VPS41: variants seen among roughly 807,000 people sequenced by gnomAD.
VPS41 encodes the protein vacuolar protein sorting-associated protein 41 homolog.
A neutral mutation model predicts 130.9 loss-of-function variants in VPS41; 85 were observed. The observed-to-expected ratio is 0.65, with a 90% CI of 0.55 to 0.78. VPS41 has a LOEUF of 0.78. VPS41 is among the 30% of genes least tolerant of loss of function. The pLI is 0.00. For missense variants in VPS41, 874 were observed against 1,018.7 expected, an observed-to-expected ratio of 0.86 and a Z score of 1.93; for synonymous variants, 335 against 332.9, an observed-to-expected ratio of 1.01 and a Z score of -0.07.
intron 2 of VPS41, among the ~76,000 whole-genome samples, chr7:38,891,529 A>G (rs1786866102): frequency 6.6e-6 from 1 of 152,196 alleles, no homozygotes; most frequent in Non-Finnish European, 1.5e-5. Context: ...TGATGTTTAC[A>G]CTTTTACACA....
At chr7:38,871,950 A>G (rs1265094441) in intron 2 of VPS41, among the ~76,000 whole-genome samples, 2 of 152,076 alleles carry the variant, frequency 1.3e-5, no homozygotes, top group East Asian at 1.9e-4. Flanking sequence ...CATGTGCCAC[A>G]CTCCTGGCCA....
chr7:38,794,359 T>C (rs1455674079), intron 9 of VPS41, among the ~76,000 whole-genome samples: 1 of 152,130 alleles, frequency 6.6e-6, no homozygotes, highest in Admixed American at 6.5e-5. Context: ...GATAACAACA[T>C]GAGGGCTGGG....
intron 10 of VPS41, among the ~76,000 whole-genome samples, chr7:38,776,993 A>T (rs1177863489): frequency 6.6e-6 from 1 of 152,234 alleles, no homozygotes; most frequent in Non-Finnish European, 1.5e-5. Flanking sequence ...GCAAATTCCC[A>T]TCACAAACAA....
At chr7:38,752,130 C>T (rs763275982) in intron 22 of VPS41, 46 bp downstream of exon 22, 4 of 1,610,138 alleles carry the variant, frequency 2.5e-6, no homozygotes, top group South Asian at 2.2e-5. Context: ...CCATCAATGA[C>T]AACCTCTTCA....
chr7:38,727,731 A>C (rs560157258), intron 27 of VPS41, among the ~76,000 whole-genome samples: 1 of 152,324 alleles, frequency 6.6e-6, no homozygotes, highest in Non-Finnish European at 1.5e-5. Context: ...ATAATCCTTT[A>C]ATCCTAAGTA....
At chr7:38,825,763 G>C (rs966839807) in intron 5 of VPS41, among the ~76,000 whole-genome samples, 21 of 152,198 alleles carry the variant, frequency 1.4e-4, no homozygotes, top group African/African-American at 5.1e-4. Flanking sequence ...TACCTTAGAA[G>C]TATGTGGTAC....
Position 38,743,492 on chromosome 7 carries a change from G to A in VPS41, c.2032C>T (p.His678Tyr). 1 of 1,613,954 alleles carries A rather than the reference G, an allele frequency of 6.2e-7. No individual in the cohort carries two copies. The change falls in exon 24 of 29, where the codon CAT (histidine) becomes TAT (tyrosine). Residue 678 changes from histidine to tyrosine, a missense_variant. By Grantham distance (83) the His-to-Tyr change is moderately conservative. Transcript: ENST00000310301. The part of the protein sequence containing the change: ...SALKMIMEEL[H>Y]DVDKAIEFAK... ...AATTCGATTGCTTTATCAACATCAT[G>A]TAATTCCTCCATAATCATCTTCAGG...
chr7:38,774,568 T>G (rs1017036423), intron 11 of VPS41, among the ~76,000 whole-genome samples: 1 of 151,304 alleles, frequency 6.6e-6, no homozygotes, highest in Non-Finnish European at 1.5e-5. Context: ...TGGAGAAAAC[T>G]GAAATATATT....
At chr7:38,730,370 C>T (rs903391196) in intron 25 of VPS41, among the ~76,000 whole-genome samples, 1 of 152,156 alleles carries the variant, frequency 6.6e-6, no homozygotes, top group Admixed American at 6.5e-5. Flanking sequence ...TGGGTGAATC[C>T]AGCCGAAAGC....
chr7:38,752,492 T>C (rs572104676), intron 21 of VPS41, among the ~76,000 whole-genome samples, 179 bp from the exon 22 acceptor site: 2 of 152,204 alleles, frequency 1.3e-5, no homozygotes, highest in East Asian at 3.9e-4. Flanking sequence ...GAGCAAAGGA[T>C]TCCGATAATT....
chr7:38,769,829 C>T (rs1784119539), intron 14 of VPS41, among the ~76,000 whole-genome samples: 1 of 152,204 alleles, frequency 6.6e-6, no homozygotes, highest in African/African-American at 2.4e-5. Context: ...AGCTGGCCCT[C>T]CTCTGGCCCC....
At chr7:38,745,222 T>C (rs983279379) in intron 23 of VPS41, among the ~76,000 whole-genome samples, 1 of 152,232 alleles carries the variant, frequency 6.6e-6, no homozygotes, top group Non-Finnish European at 1.5e-5. Context: ...TTATTTATTT[T>C]CTACCAATAT....
At chr7:38,879,891 TA>T (rs11406848) in intron 2 of VPS41, among the ~76,000 whole-genome samples, 2,799 of 146,004 alleles carry the variant, frequency 0.019, 94 homozygotes, top group African/African-American at 0.066. Flanking sequence ...GTCATTTCTT[TA>T]AAAAAAAAAA....
intron 9 of VPS41, among the ~76,000 whole-genome samples, chr7:38,794,287 T>C (rs552299031): frequency 2.2e-4 from 34 of 152,314 alleles, no homozygotes; most frequent in African/African-American, 8.2e-4. Flanking sequence ...GTTTCCTTCC[T>C]GTTACCCTAA....
At chr7:38,733,492 T>C (rs1275349756) in intron 25 of VPS41, among the ~76,000 whole-genome samples, 2 of 152,220 alleles carry the variant, frequency 1.3e-5, no homozygotes, top group Admixed American at 6.5e-5. Flanking sequence ...CAGAAGCTTA[T>C]AAGCATGCAG....
intron 14 of VPS41, 30 bp from the exon 15 acceptor site, chr7:38,767,628 A>G (rs1431276465): frequency 6.4e-7 from 1 of 1,559,316 alleles, no homozygotes; most frequent in Admixed American, 1.7e-5. Flanking sequence ...GAAATGTCAA[A>G]ATTTAACTGA....
chr7:38,892,266 G>A (rs147692078), intron 2 of VPS41, among the ~76,000 whole-genome samples: 2,047 of 152,158 alleles, frequency 0.013, 20 homozygotes, highest in Non-Finnish European at 0.021. Context: ...CTAGAGGTTG[G>A]AGCCTCGGAG....
chr7:38,728,436 T>A, intron 27 of VPS41, 106 bp downstream of exon 27: 1 of 1,265,482 alleles, frequency 7.9e-7, no homozygotes, highest in Non-Finnish European at 1.2e-6. Flanking sequence ...TGGGTTATTC[T>A]GAAAGTTATA....
At chr7:38,770,427 ATT>A (rs534243287) in intron 14 of VPS41, among the ~76,000 whole-genome samples, 1 of 143,918 alleles carries the variant, frequency 6.9e-6, no homozygotes, top group African/African-American at 2.6e-5. Context: ...TTTTGGCTGG[ATT>A]TTTTTTTTTT....
Sources: gnomAD v4.1 joint callset for allele counts (sites outside exome capture counted in the v4.1 genomes callset) on GRCh38, gnomAD v4.1.1 for gene constraint, MANE v1.5 for transcripts, NCBI Gene and HGNC (gene_info 2026-07-23, HGNC 2026-07-21) for gene names.